The following SNX7 variants were observed in gnomAD, a reference collection of about 807,000 sequenced individuals.
SNX7 encodes the protein sorting nexin-7.
A neutral mutation model predicts 48.4 loss-of-function variants in SNX7; 35 were observed. That is an observed-to-expected ratio of 0.72 (90% confidence interval 0.55 to 0.96). SNX7 has a LOEUF of 0.96. SNX7 is among the 40% of genes least tolerant of loss of function. The pLI, the probability that SNX7 is intolerant of heterozygous loss-of-function variation, is 0.00. For synonymous variants in SNX7, 190 were observed against 190.2 expected (o/e 1.00, Z 0.01); for missense variants, 553 against 548.9 (o/e 1.01, Z -0.07).
intron 8 of SNX7, among the ~76,000 whole-genome samples, chr1:98,758,632 T>C (rs1274570440): frequency 6.6e-6 from 1 of 152,068 alleles, no homozygotes; most frequent in African/African-American, 2.4e-5. Flanking sequence ...ATTATTCTAA[T>C]GAGGCCTACA....
chr1:98,664,106 A>C (rs1319665594), intron 1 of SNX7, among the ~76,000 whole-genome samples: 1 of 152,186 alleles, frequency 6.6e-6, no homozygotes, highest in East Asian at 1.9e-4. Flanking sequence ...CTAGGATGGA[A>C]TCTCACAATT....
chr1:98,694,338 C>G (rs1468597347), intron 4 of SNX7, among the ~76,000 whole-genome samples: 1 of 149,850 alleles, frequency 6.7e-6, no homozygotes, highest in Admixed American at 6.7e-5. Context: ...CCACTGCAGT[C>G]CAGCCTGGGC....
chr1:98,713,978 G>A (rs1272942466), intron 7 of SNX7, among the ~76,000 whole-genome samples: 2 of 152,190 alleles, frequency 1.3e-5, no homozygotes, highest in Non-Finnish European at 2.9e-5. Context: ...GAAAAATGAT[G>A]CTGGTAGGCT....
rs140633696 is a variant in SNX7, at chr1:98,691,906, C to CATATAT, written c.639+211_639+216dup. On this transcript the variant is annotated intron_variant, in intron 4 of 8. Coordinates refer to ENST00000306121, the MANE Select transcript of SNX7 (RefSeq NM_015976.5). ...TATTACAGAAATCTTGTATCTTCTC[C>CATATAT]ATATATATACACACACACACACACA... is the stretch of plus-strand genomic sequence containing the variant. 9.7e-4 allele frequency among the ~76,000 whole-genome samples: 110 copies of CATATAT among 112,970 alleles called. 1 individual carries two copies. In the South Asian group the frequency reaches 0.019, roughly 19 times the overall value. The allele number at this position is 112,970 out of a possible 152,430, so 74.1% of individuals were successfully genotyped here.
At chr1:98,688,525 A>G (rs1366339222) in intron 2 of SNX7, among the ~76,000 whole-genome samples, 2 of 152,216 alleles carry the variant, frequency 1.3e-5, no homozygotes. Flanking sequence ...TTAGGAGTTA[A>G]GCTGTATTCT....
At chr1:98,744,000 A>G (rs1654197769) in intron 8 of SNX7, among the ~76,000 whole-genome samples, 1 of 152,056 alleles carries the variant, frequency 6.6e-6, no homozygotes, top group Non-Finnish European at 1.5e-5. Context: ...AAAACTGAAA[A>G]TCAGAAAAAG....
intron 7 of SNX7, among the ~76,000 whole-genome samples, chr1:98,731,610 A>G (rs1436310315): frequency 2.0e-5 from 3 of 152,164 alleles, no homozygotes; most frequent in Non-Finnish European, 1.5e-5. Context: ...ATTGTAGAGT[A>G]TACTTACACA....
upstream of SNX7, among the ~76,000 whole-genome samples, chr1:98,661,403 G>T (rs1557779054): frequency 2.0e-5 from 3 of 151,850 alleles, no homozygotes; most frequent in Non-Finnish European, 4.4e-5. Context: ...TGCGGAAACC[G>T]TCACTCGGTG....
chr1:98,743,481 G>C (rs1217369148), intron 8 of SNX7, among the ~76,000 whole-genome samples: 2 of 151,876 alleles, frequency 1.3e-5, no homozygotes, highest in African/African-American at 4.8e-5. Flanking sequence ...AACAATTCTA[G>C]CAAAGGAAAA....
intron 1 of SNX7, among the ~76,000 whole-genome samples, chr1:98,672,717 G>T (rs1649936028): frequency 6.6e-6 from 1 of 151,048 alleles, no homozygotes; most frequent in South Asian, 2.1e-4. Flanking sequence ...GAGGTCAGGA[G>T]ATCGAGACCA....
intron 7 of SNX7, among the ~76,000 whole-genome samples, chr1:98,705,947 A>T (rs1034719097): frequency 6.6e-6 from 1 of 152,156 alleles, no homozygotes; most frequent in Non-Finnish European, 1.5e-5. Context: ...GTTGTTAATA[A>T]CTAACATTTC....
At chr1:98,747,193 CAT>C (rs1336848973) in intron 8 of SNX7, among the ~76,000 whole-genome samples, 1 of 152,052 alleles carries the variant, frequency 6.6e-6, no homozygotes, top group East Asian at 1.9e-4. Context: ...AATCTGAAGA[CAT>C]AATAATTTTC....
At chr1:98,754,397 A>G (rs921027039) in intron 8 of SNX7, among the ~76,000 whole-genome samples, 1 of 152,060 alleles carries the variant, frequency 6.6e-6, no homozygotes, top group Non-Finnish European at 1.5e-5. Context: ...GGAAGAGATT[A>G]TATGGAATTA....
intron 7 of SNX7, among the ~76,000 whole-genome samples, chr1:98,725,594 G>C (rs1181271953): frequency 1.3e-5 from 2 of 152,116 alleles, no homozygotes; most frequent in Non-Finnish European, 2.9e-5. Context: ...AGTCGAAAGG[G>C]ATGGTCTTGG....
intron 1 of SNX7, among the ~76,000 whole-genome samples, chr1:98,673,065 A>G (rs1030174694): frequency 1.4e-4 from 22 of 152,154 alleles, no homozygotes; most frequent in African/African-American, 3.6e-4. Flanking sequence ...ATGCTTAACA[A>G]TCTCTAGCTG....
At chr1:98,711,749 A>G (rs1652320531) in intron 7 of SNX7, among the ~76,000 whole-genome samples, 1 of 152,160 alleles carries the variant, frequency 6.6e-6, no homozygotes. Context: ...AAATATGAGA[A>G]TAAGGAAGTT....
At chr1:98,690,919 A>G (rs1471333216) in intron 2 of SNX7, among the ~76,000 whole-genome samples, 156 bp from the exon 3 acceptor site, 1 of 152,100 alleles carries the variant, frequency 6.6e-6, no homozygotes, top group East Asian at 1.9e-4. Flanking sequence ...AATAGATGAC[A>G]AAAAAGAAAA....
intron 7 of SNX7, among the ~76,000 whole-genome samples, chr1:98,734,239 C>T (rs560008813): frequency 6.6e-6 from 1 of 152,264 alleles, no homozygotes; most frequent in African/African-American, 2.4e-5. Context: ...GTAAATACCA[C>T]TTCTACGTTT....
At chr1:98,727,504 C>T (rs1178263180) in intron 7 of SNX7, among the ~76,000 whole-genome samples, 1 of 152,104 alleles carries the variant, frequency 6.6e-6, no homozygotes, top group Non-Finnish European at 1.5e-5. Flanking sequence ...AGCAAGGCCA[C>T]AGAACTGGGC....
Sources: gnomAD v4.1 joint callset for allele counts (sites outside exome capture counted in the v4.1 genomes callset) on GRCh38, gnomAD v4.1.1 for gene constraint, MANE v1.5 for transcripts, NCBI Gene and HGNC (gene_info 2026-07-23, HGNC 2026-07-21) for gene names.